Variants in FMO5 observed in about 807,000 individuals in gnomAD.
FMO5 encodes flavin-containing monooxygenase 5.
A neutral mutation model predicts 43.6 loss-of-function variants in FMO5; 51 were observed. The ratio of observed to expected loss-of-function variants is 1.17; its 90% CI spans 0.93 to 1.48. The LOEUF (loss-of-function observed/expected upper bound fraction) is 1.48. Among genes scored for constraint, FMO5 ranks in the 40% most tolerant of loss-of-function variants. FMO5 has a pLI of 0.00. For missense variants in FMO5, 644 were observed against 643.0 expected (o/e 1.00, Z -0.02); for synonymous variants, 187 against 216.5 (o/e 0.86, Z 1.20).
rs1661380417 is a variant in FMO5, at chr1:147,213,253, A to G, written c.487+55T>C. ...TCAGACCACAATCCTCCCATTCCTCAGGGGTCAGGTCACAGGCATGGGTCA... is the reference window on the plus strand; with the variant it reads ...TCAGACCACAATCCTCCCATTCCTCGGGGGTCAGGTCACAGGCATGGGTCA... On this transcript the variant is annotated intron_variant, in intron 4 of 8. Transcript: ENST00000254090. 11 of 1,404,550 alleles carry G rather than the reference A, an allele frequency of 7.8e-6. No individual in the cohort carries two copies. The Admixed American group carries it at 2.5e-4, about 32-fold the overall frequency. 87.0% of individuals were successfully genotyped at this position (1,404,550 alleles called of 1,614,324 possible).
At chr1:147,202,126 C>G (rs782284804) in intron 6 of FMO5, among the ~76,000 whole-genome samples, 32 of 152,100 alleles carry the variant, frequency 2.1e-4, no homozygotes, top group Non-Finnish European at 4.6e-4. Flanking sequence ...TAGAATTTAT[C>G]TCAAAGTTGT....
At chr1:147,189,080 C>T (rs1656191912) in intron 8 of FMO5, among the ~76,000 whole-genome samples, 1 of 151,986 alleles carries the variant, frequency 6.6e-6, no homozygotes, top group Admixed American at 6.6e-5. Flanking sequence ...TTGAGACCAG[C>T]CTGGCCAACA....
At chr1:147,185,706 C>T (rs1655558746), downstream of FMO5, among the ~76,000 whole-genome samples, 1 of 152,168 alleles carries the variant, frequency 6.6e-6, no homozygotes, top group Admixed American at 6.5e-5. Context: ...AATCCAAATA[C>T]AAACATATTG....
intron 6 of FMO5, among the ~76,000 whole-genome samples, chr1:147,202,752 T>C (rs893465163): frequency 5.9e-5 from 9 of 152,220 alleles, no homozygotes; most frequent in Admixed American, 6.5e-5. Flanking sequence ...ACTAGGTCGA[T>C]TGTGTTCTGC....
At position 147,213,307 on chromosome 1, in the gene FMO5, C is replaced by T. The variant is rs782356903; in HGVS notation, c.487+1G>A. 4.9e-5 allele frequency: 78 copies of T among 1,602,366 alleles called. No individual in the cohort carries two copies. The South Asian group carries it at 7.7e-4, about 16-fold the overall frequency. ...GTCTTCCTTCCTGGTAAGCTGCTCA[C>T]CAGGGAAGCTTTCCAGAGGTAGATG... On this transcript the variant is annotated splice_donor_variant, in intron 4 of 8. Transcript: ENST00000254090. LOFTEE classifies it high-confidence loss of function.
intron 8 of FMO5, among the ~76,000 whole-genome samples, chr1:147,189,416 A>G (rs1171021726): frequency 6.6e-6 from 1 of 152,116 alleles, no homozygotes; most frequent in African/African-American, 2.4e-5. Flanking sequence ...GAGCACCTGG[A>G]AGTTGTAACG....
At chr1:147,192,722 G>A (rs1657119633) in intron 7 of FMO5, among the ~76,000 whole-genome samples, 1 of 152,136 alleles carries the variant, frequency 6.6e-6, no homozygotes, top group African/African-American at 2.4e-5. Flanking sequence ...TTAGCATGAA[G>A]TGTTGTTGAA....
At chr1:147,208,698 CAGAGTGCTGGGATT>C (rs1660547612) in intron 6 of FMO5, 140 bp downstream of exon 6, 4 of 595,394 alleles carry the variant, frequency 6.7e-6, no homozygotes, top group Non-Finnish European at 8.9e-6. Context: ...CTCCGCCTCC[CAGAGTGCTGGGATT>C]ACAGGCGTGA....
chr1:147,218,525 C>A (rs1335398576), intron 2 of FMO5, among the ~76,000 whole-genome samples: 1 of 151,984 alleles, frequency 6.6e-6, no homozygotes, highest in South Asian at 2.1e-4. Context: ...CGTGAGCCAC[C>A]GCGCCCAGCC....
intron 7 of FMO5, among the ~76,000 whole-genome samples, chr1:147,192,231 C>A (rs201520239): frequency 1.3e-5 from 2 of 151,978 alleles, no homozygotes; most frequent in Admixed American, 1.3e-4. Flanking sequence ...CTTCACATCC[C>A]TTGTAAGTTG....
rs587727550 is a variant in FMO5, at chr1:147,224,861, T to A, written c.135+34A>T. 13 of 1,599,746 alleles carry A rather than the reference T, an allele frequency of 8.1e-6. No homozygotes were observed. The East Asian group carries it at 2.2e-4, about 28-fold the overall frequency. On this transcript the variant is annotated intron_variant, in intron 2 of 8. Coordinates refer to ENST00000254090, the MANE Select transcript of FMO5 (RefSeq NM_001461.4). The stretch of plus-strand genomic sequence containing the variant: ...CGTATGCACCTAGTTGCAGGGAGGG[T>A]TTCAAGTATTAAGGGACTAGGAGAT...
Position 147,186,408 on chromosome 1 carries a change from A to G in FMO5, c.*492T>C, listed in dbSNP as rs1371231847. 1.1e-6 allele frequency: 1 copy of G among 902,600 alleles called. No individual in the cohort carries two copies. The highest frequency in any genetic ancestry group is 1.8e-5 in the African/African-American group (1 of 55,620). 55.9% of individuals were successfully genotyped at this position (902,600 alleles called of 1,614,324 possible). A position where few individuals can be genotyped will look rare whatever the true frequency, so the allele number is the denominator to read the frequency against. ...TGTCTTATCTTAGATACATACAACT[A>G]TTGTAGGAACATTATTTCTCTTATC... On this transcript the variant is annotated 3_prime_UTR_variant, in exon 9 of 9. Transcript: ENST00000254090.
intron 6 of FMO5, among the ~76,000 whole-genome samples, chr1:147,205,901 C>A (rs587594622): frequency 2.0e-5 from 3 of 152,130 alleles, no homozygotes; most frequent in South Asian, 2.1e-4. Flanking sequence ...GCAACAAAAG[C>A]CAAAATTGAC....
At chr1:147,200,356 G>T (rs782310725) in intron 7 of FMO5, among the ~76,000 whole-genome samples, 2 of 151,842 alleles carry the variant, frequency 1.3e-5, no homozygotes, top group Non-Finnish European at 2.9e-5. Context: ...ATCTCTCTCC[G>T]GCTTTTTCAG....
At chr1:147,203,005 A>G (rs1054024609) in intron 6 of FMO5, among the ~76,000 whole-genome samples, 3 of 152,100 alleles carry the variant, frequency 2.0e-5, no homozygotes, top group Non-Finnish European at 4.4e-5. Context: ...CATTTTCAAA[A>G]TGGTCTTTCT....
intron 5 of FMO5, 64 bp from the exon 6 acceptor site, chr1:147,209,115 C>T: frequency 7.0e-7 from 1 of 1,423,098 alleles, no homozygotes; most frequent in South Asian, 1.2e-5. Flanking sequence ...AAAGCACCCC[C>T]ATTTTCTTCA....
rs587711538 is a variant in FMO5, at chr1:147,197,757, T to C, written c.1183+3395A>G. On this transcript the variant is annotated intron_variant, in intron 7 of 8. Coordinates refer to ENST00000254090, the MANE Select transcript of FMO5 (RefSeq NM_001461.4). The stretch of plus-strand genomic sequence containing the variant: ...AACTACTCAGCCTCAGGCAGTTCTT[T>C]ATAGCAGCATGAGAATGGGCTAACA... Among the ~76,000 whole-genome samples, 19 of 152,300 alleles carry C rather than the reference T, an allele frequency of 1.2e-4. No individual in the cohort carries two copies. In the South Asian group the frequency reaches 3.9e-3, roughly 32 times the overall value.
chr1:147,199,848 G>C (rs1553920523), intron 7 of FMO5, among the ~76,000 whole-genome samples: 1 of 151,938 alleles, frequency 6.6e-6, no homozygotes, highest in African/African-American at 2.4e-5. Flanking sequence ...TTTTTTCTCT[G>C]CAACTGTGAA....
At chr1:147,188,105 T>C (rs1553917610) in intron 8 of FMO5, among the ~76,000 whole-genome samples, 1 of 152,106 alleles carries the variant, frequency 6.6e-6, no homozygotes, top group Admixed American at 6.6e-5. Context: ...GAAATGGGAC[T>C]AGATTTAGGA....
Sources: gnomAD v4.1 joint callset for allele counts (sites outside exome capture counted in the v4.1 genomes callset) on GRCh38, gnomAD v4.1.1 for gene constraint, MANE v1.5 for transcripts, NCBI Gene and HGNC (gene_info 2026-07-23, HGNC 2026-07-21) for gene names.